The following CLCNKA variants were observed in gnomAD, a reference collection of about 807,000 sequenced individuals.
CLCNKA encodes the protein chloride voltage-gated channel Ka.
In CLCNKA, 66 loss-of-function variants were observed where a neutral mutation model predicts 83.3. That is an observed-to-expected ratio of 0.79 (90% CI 0.65 to 0.97). The LOEUF (loss-of-function observed/expected upper bound fraction) is 0.97. Among genes scored for constraint, CLCNKA ranks in the 50% least tolerant of loss-of-function variants. The pLI, the probability that CLCNKA is intolerant of heterozygous loss-of-function variation, is 0.00. For missense variants in CLCNKA, 806 were observed against 888.7 expected (o/e 0.91, Z 1.18); for synonymous variants, 357 against 370.4 (o/e 0.96, Z 0.42).
rs759152539 is a variant in CLCNKA at position 16,032,290 on chromosome 1, A to C, written c.1844A>C (p.Gln615Pro). 4 of 940,354 alleles carry C rather than the reference A, an allele frequency of 4.3e-6. No homozygotes were observed. Among genetic ancestry groups the C allele is most frequent in the Non-Finnish European group, 6.2e-6 (4 of 647,990 alleles). The allele number at this position is 940,354 out of a possible 1,614,324, so 58.3% of individuals were successfully genotyped here. ...AEPPSRAPGH[Q>P]QCLQDILARG... is the part of the protein sequence containing the mutation. ...CCTCCTTCCAGGGCTCCAGGACACC[A>C]GGTGGTTACTCCTGAGGGGCGTGGG... Residue 615 changes from glutamine to proline, a missense_variant and splice_region_variant, in exon 17 of 20, where the codon CAG (glutamine) becomes CCG (proline). Physicochemically the swap from Gln to Pro is moderately conservative, Grantham distance 76. Transcript: ENST00000331433.
chr1:16,022,716 CA>C lies in CLCNKA; in HGVS notation c.99del (p.Gly34ValfsTer6). ...GPCPHIRRAIQGGLEWLKQKV... is the reference protein window; with the variant it reads ...GPCPHIRRAIXGGLEWLKQKV... ...CTGTCCCCACATCCGCCGAGCCATCCAAGGTGAGAGCCAGGTCCTCTTCCCT... is the reference window on the plus strand; with the variant it reads ...CTGTCCCCACATCCGCCGAGCCATCCAGGTGAGAGCCAGGTCCTCTTCCCT... On this transcript the variant is annotated frameshift_variant and splice_region_variant, in exon 2 of 20. Coordinates refer to ENST00000331433, the MANE Select transcript of CLCNKA (RefSeq NM_004070.4). LOFTEE classifies it high-confidence loss of function. 1 of 1,532,524 alleles carries C rather than the reference CA, an allele frequency of 6.5e-7. No homozygotes were observed. The highest frequency in any genetic ancestry group is 8.8e-7 in the Non-Finnish European group (1 of 1,136,982). The allele number at this position is 1,532,524 out of a possible 1,614,324, so 94.9% of individuals were successfully genotyped here.
At chr1:16,027,226 G>C (rs1022023967) in intron 7 of CLCNKA, 84 bp from the exon 8 acceptor site, 433 of 1,583,010 alleles carry the variant, frequency 2.7e-4, no homozygotes, top group Non-Finnish European at 3.5e-4. Context: ...AGATGGCTCA[G>C]GGAGGAGGCG....
intron 10 of CLCNKA, chr1:16,028,508 C>T (rs1313675225): frequency 3.1e-6 from 2 of 655,356 alleles, no homozygotes; most frequent in East Asian, 5.5e-5. Context: ...CCTGCCTCTG[C>T]CCCAATTCTC....
At chr1:16,032,355 G>T in intron 17 of CLCNKA, 64 bp downstream of exon 17, 20 of 1,537,110 alleles carry the variant, frequency 1.3e-5, no homozygotes, top group Non-Finnish European at 1.7e-5. Flanking sequence ...GGAGGGGAGG[G>T]ACCCGCTGAT....
At chr1:16,027,775 T>A in intron 8 of CLCNKA, 46 bp from the exon 9 acceptor site, 3 of 1,530,298 alleles carry the variant, frequency 2.0e-6, no homozygotes, top group Non-Finnish European at 2.7e-6. Flanking sequence ...TGAGTTTGGG[T>A]CGGGTGGGAG....
At position 16,028,930 on chromosome 1, in the gene CLCNKA, A is replaced by G. The variant is rs45451292; in HGVS notation, c.1053+85A>G. 0.12 allele frequency: 181,960 copies of G among 1,542,030 alleles called. 12,163 individuals carry two copies. The highest frequency in any genetic ancestry group is 0.24 in the East Asian group (10,643 of 44,362). ...ATGTGTCTCACGTAATACCCTCAGC[A>G]CCCCACCAGGGTGACACCTGGGCAT... On this transcript the variant is annotated intron_variant, in intron 11 of 19. Coordinates refer to ENST00000331433, the MANE Select transcript of CLCNKA (RefSeq NM_004070.4).
rs764069223 is a variant in CLCNKA at position 16,024,926 on chromosome 1, C to G, written c.358+35C>G. ...CGGTCGCCATGCCAGTCCCCAGTGCCAAAACCTTCTCAGATCCCAGGGGGC... is the reference window on the plus strand; with the variant it reads ...CGGTCGCCATGCCAGTCCCCAGTGCGAAAACCTTCTCAGATCCCAGGGGGC... On this transcript the variant is annotated intron_variant, in intron 4 of 19. Coordinates refer to ENST00000331433, the MANE Select transcript of CLCNKA (RefSeq NM_004070.4). The G allele has an allele frequency of 2.5e-6, 4 of 1,613,462 alleles. No individual in the cohort carries two copies. The South Asian group carries it at 4.4e-5, about 18-fold the overall frequency.
Position 16,027,299 on chromosome 1 carries a change from G to A in CLCNKA, c.656-11G>A. 2.5e-6 allele frequency: 4 copies of A among 1,612,812 alleles called. No homozygotes were observed. The highest frequency in any genetic ancestry group is 1.3e-5 in the African/African-American group (1 of 75,010). On this transcript the variant is annotated splice_polypyrimidine_tract_variant and intron_variant, in intron 7 of 19. Transcript: ENST00000331433. ...GGGTGGGGGCCCACCTGACATCAGT[G>A]TCGCCCCCAGGCGTCCTGTTCAGCA...
chr1:16,033,517 C>G (rs577040534), intron 19 of CLCNKA, 94 bp from the exon 20 acceptor site: 1 of 1,121,472 alleles, frequency 8.9e-7, no homozygotes, highest in East Asian at 2.4e-5. Context: ...ACTATTCAGC[C>G]TGGAAATGAA....
chr1:16,032,564 G>A lies in CLCNKA; in HGVS notation c.1929+38G>A, dbSNP rs1399447066. The A allele has an allele frequency of 6.7e-6, 10 of 1,494,558 alleles. No individual in the cohort carries two copies. The African/African-American group carries it at 8.2e-5, about 12-fold the overall frequency. 92.6% of individuals were successfully genotyped at this position (1,494,558 alleles called of 1,614,324 possible). On this transcript the variant is annotated intron_variant, in intron 18 of 19. Transcript: ENST00000331433. ...GGGGAGTGTGACACACGCAGCCCCCGGGGCAGGGCAAGAGCTGATGAGGAG... is the reference window on the plus strand; with the variant it reads ...GGGGAGTGTGACACACGCAGCCCCCAGGGCAGGGCAAGAGCTGATGAGGAG...
At chr1:16,022,955 T>G (rs1423007992) in intron 2 of CLCNKA, among the ~76,000 whole-genome samples, 1 of 152,222 alleles carries the variant, frequency 6.6e-6, no homozygotes, top group African/African-American at 2.4e-5. Flanking sequence ...CAAGGCCTGG[T>G]CACTGTGCCT....
chr1:16,029,111 C>T lies in CLCNKA; in HGVS notation c.1054-15C>T, dbSNP rs377184958. On this transcript the variant is annotated splice_polypyrimidine_tract_variant and intron_variant, in intron 11 of 19. Transcript: ENST00000331433. ...GGGGGCCCCTCATGTCCAGTTCCCA[C>T]CTGCCCCGCCACAGCTGTCCATGAA... The T allele has an allele frequency of 2.3e-4, 373 of 1,610,086 alleles. No individual in the cohort carries two copies. In the African/African-American group the frequency reaches 3.7e-3, roughly 16 times the overall value.
chr1:16,025,949 T>A (rs2022327035), intron 4 of CLCNKA, among the ~76,000 whole-genome samples, 159 bp from the exon 5 acceptor site: 1 of 152,054 alleles, frequency 6.6e-6, no homozygotes, highest in African/African-American at 2.4e-5. Flanking sequence ...AGAGATGGGG[T>A]TTCACCATGT....
intron 18 of CLCNKA, among the ~76,000 whole-genome samples, chr1:16,032,755 C>T (rs1339940447): frequency 6.6e-6 from 1 of 152,252 alleles, no homozygotes; most frequent in African/African-American, 2.4e-5. Flanking sequence ...ATGGAAGTCT[C>T]TGGGTGGAGA....
At position 16,026,571 on chromosome 1, in the gene CLCNKA, C is replaced by T. The variant is rs1277090211; in HGVS notation, c.534C>T (p.Ala178=). The change falls in exon 6 of 20, where the codon GCC becomes GCT. Residue 178 remains alanine (A), a synonymous_variant. Coordinates refer to ENST00000331433, the MANE Select transcript of CLCNKA (RefSeq NM_004070.4). ...TGCACCTGTCTGTAATGATCGCTGCCTACCTGGGCCGTGTGCGCACCACGA... is the reference window on the plus strand; with the variant it reads ...TGCACCTGTCTGTAATGATCGCTGCTTACCTGGGCCGTGTGCGCACCACGA... The part of the protein sequence containing the change: ...PFVHLSVMIA[A]YLGRVRTTTI... The T allele has an allele frequency of 1.2e-6, 2 of 1,614,050 alleles. No homozygotes were observed. The highest frequency in any genetic ancestry group is 1.3e-5 in the African/African-American group (1 of 75,032).
intron 15 of CLCNKA, 120 bp from the exon 16 acceptor site, chr1:16,031,590 C>G (rs883867): frequency 7.6e-6 from 11 of 1,438,192 alleles, no homozygotes; most frequent in African/African-American, 7.0e-5. Context: ...CCTCTCCAGC[C>G]CTGCTCACAC....
chr1:16,028,035 T>A lies in CLCNKA; in HGVS notation c.884T>A (p.Leu295Gln). 1 of 1,613,878 alleles carries A rather than the reference T, an allele frequency of 6.2e-7. No homozygotes were observed. Among genetic ancestry groups the A allele is most frequent in the African/African-American group, 1.3e-5 (1 of 75,026 alleles). Residue 295 changes from leucine to glutamine, a missense_variant, in exon 10 of 20, where the codon CTG (leucine) becomes CAG (glutamine). Transcript: ENST00000331433. ...CCCCGCAGTGGCATCTGCGGCGTCC[T>A]GAGCTGTGCTTACCTCTTCTGTCAG... ...FVALGGICGV[L>Q]SCAYLFCQRT...
At chr1:16,028,880 A>G in intron 11 of CLCNKA, 35 bp downstream of exon 11, 1 of 1,604,754 alleles carries the variant, frequency 6.2e-7, no homozygotes. Flanking sequence ...CAGGAGTGGG[A>G]ACCCCCATTT....
intron 3 of CLCNKA, 149 bp from the exon 4 acceptor site, chr1:16,024,614 G>C (rs1479652007): frequency 9.1e-7 from 1 of 1,102,794 alleles, no homozygotes; most frequent in African/African-American, 1.6e-5. Flanking sequence ...TCGTACTCCT[G>C]CCTTTTCTTG....
Sources: allele counts gnomAD v4.1 joint callset (sites outside exome capture counted in the v4.1 genomes callset), GRCh38; gene constraint gnomAD v4.1.1; transcripts MANE v1.5; gene names NCBI Gene and HGNC (gene_info 2026-07-23, HGNC 2026-07-21).